Variants in VPS53 observed in about 807,000 individuals in gnomAD.
VPS53 encodes vacuolar protein sorting-associated protein 53 homolog.
A neutral mutation model predicts 107.0 loss-of-function variants in VPS53; 70 were observed. That is an observed-to-expected ratio of 0.65 (90% CI 0.54 to 0.80). The LOEUF (loss-of-function observed/expected upper bound fraction) is 0.80, where lower values mean the gene tolerates loss of function less well. VPS53 is among the 30% of genes least tolerant of loss of function. VPS53 has a pLI of 0.00. For missense variants in VPS53, 917 were observed against 1,049.4 expected, an observed-to-expected ratio of 0.87 and a Z score of 1.74; for synonymous variants, 409 against 393.3, an observed-to-expected ratio of 1.04 and a Z score of -0.47.
At chr17:596,822 C>T (rs1451656304) in intron 12 of VPS53, among the ~76,000 whole-genome samples, 2 of 152,088 alleles carry the variant, frequency 1.3e-5, no homozygotes, top group African/African-American at 2.4e-5. Context: ...ATGTTTGGGC[C>T]GGGTTCTGAG....
chr17:530,093 A>G (rs985773462), intron 19 of VPS53, among the ~76,000 whole-genome samples: 4 of 150,758 alleles, frequency 2.7e-5, no homozygotes, highest in African/African-American at 9.7e-5. Flanking sequence ...ATATAGAAAT[A>G]TATTTTAAAA....
intron 12 of VPS53, among the ~76,000 whole-genome samples, chr17:599,575 C>A (rs1377465361): frequency 6.7e-6 from 1 of 149,948 alleles, no homozygotes; most frequent in Non-Finnish European, 1.5e-5. Context: ...AGAGTCATCA[C>A]CACTCCCTAA....
intron 7 of VPS53, among the ~76,000 whole-genome samples, chr17:641,321 T>C (rs988210501): frequency 6.6e-6 from 1 of 152,238 alleles, no homozygotes; most frequent in Admixed American, 6.5e-5. Flanking sequence ...AATAGGATTC[T>C]AGAAAGAAGT....
At chr17:548,148 C>G (rs760917861) in intron 17 of VPS53, among the ~76,000 whole-genome samples, 20 of 152,304 alleles carry the variant, frequency 1.3e-4, no homozygotes, top group Admixed American at 5.9e-4. Context: ...GGCACATACT[C>G]CGGAGTGAGC....
rs187938167 is a variant in VPS53, at chr17:619,913, G to A, written c.1116+3620C>T. Among the ~76,000 whole-genome samples the A allele has an allele frequency of 1.4e-5, 2 of 141,934 alleles. 1 individual carries two copies. Among genetic ancestry groups the A allele is most frequent in the East Asian group, 4.3e-4 (2 of 4,668 alleles). The allele number at this position is 141,934 out of a possible 152,430, so 93.1% of individuals were successfully genotyped here. On this transcript the variant is annotated intron_variant, in intron 11 of 21. Transcript: ENST00000437048. ...TATTTCCCGGGTAGATGGGACTACA[G>A]GCGTGCGCCACCACGCCCCGCTAGT... is the stretch of plus-strand genomic sequence containing the variant.
At chr17:550,775 AT>A (rs1238718035) in intron 17 of VPS53, among the ~76,000 whole-genome samples, 1 of 151,942 alleles carries the variant, frequency 6.6e-6, no homozygotes, top group Admixed American at 6.6e-5. Flanking sequence ...GCATAGGCAC[AT>A]AAAAGTCAAA....
At chr17:642,534 G>GAGGACAACACTCATACTTGGAAATCA (rs1970467585) in intron 7 of VPS53, among the ~76,000 whole-genome samples, 1 of 148,770 alleles carries the variant, frequency 6.7e-6, no homozygotes, top group Non-Finnish European at 1.5e-5. Context: ...CTTGGAAAGC[G>GAGGACAACACTCATACTTGGAAATCA]AGGACAACAC....
intron 4 of VPS53, among the ~76,000 whole-genome samples, chr17:691,375 C>A (rs995069888): frequency 6.6e-6 from 1 of 152,182 alleles, no homozygotes; most frequent in Non-Finnish European, 1.5e-5. Flanking sequence ...AAGTAGCAAG[C>A]TCCCCATCAC....
At chr17:714,587 A>C in intron 1 of VPS53, 36 bp downstream of exon 1, 1 of 1,564,298 alleles carries the variant, frequency 6.4e-7, no homozygotes, top group Non-Finnish European at 8.7e-7. Context: ...CCCCTCCCGC[A>C]CTCCCGTTTC....
In VPS53 at chr17:623,642, G is replaced by A. The variant is rs139494897; in HGVS notation, c.1007C>T (p.Ala336Val). The A allele has an allele frequency of 9.9e-6, 16 of 1,613,408 alleles. No individual in the cohort carries two copies. In the East Asian group the frequency reaches 1.6e-4, roughly 16 times the overall value. ...AELAKIMRTR[A>V]KEIEVKLLLF... is the part of the protein sequence containing the mutation. ...AAGCAATTTCACTTCAATTTCCTTCGCTCTGGTACGCATAATCTTGGCAAG... is the reference window on the plus strand; with the variant it reads ...AAGCAATTTCACTTCAATTTCCTTCACTCTGGTACGCATAATCTTGGCAAG... The change falls in exon 11 of 22, where the codon GCG becomes GTG. Residue 336 changes from alanine (A) to valine (V), a missense_variant. Ala to Val is a moderately conservative substitution (Grantham distance 64). Transcript: ENST00000437048.
intron 11 of VPS53, among the ~76,000 whole-genome samples, chr17:621,529 G>A (rs1304748881): frequency 6.6e-6 from 1 of 152,128 alleles, no homozygotes; most frequent in African/African-American, 2.4e-5. Context: ...CAAAAAGGTT[G>A]TATCAAGCTG....
intron 4 of VPS53, among the ~76,000 whole-genome samples, chr17:671,009 T>C (rs1312939806): frequency 6.6e-6 from 1 of 152,074 alleles, no homozygotes; most frequent in Non-Finnish European, 1.5e-5. Flanking sequence ...GGCAGGCAAA[T>C]CACCTAAGGT....
At chr17:590,907 A>G (rs1967612039) in intron 12 of VPS53, among the ~76,000 whole-genome samples, 1 of 152,000 alleles carries the variant, frequency 6.6e-6, no homozygotes, top group Non-Finnish European at 1.5e-5. Context: ...TGAGTTAGAG[A>G]GGATTCCCTC....
At chr17:657,393 A>G in intron 5 of VPS53, 1 of 812,022 alleles carries the variant, frequency 1.2e-6, no homozygotes, top group South Asian at 1.4e-5. Flanking sequence ...AATCTTCTTA[A>G]GTCTGTTCCT....
chr17:684,880 C>G (rs1487244978), intron 4 of VPS53, among the ~76,000 whole-genome samples: 1 of 151,874 alleles, frequency 6.6e-6, no homozygotes, highest in Admixed American at 6.6e-5. Flanking sequence ...CCCAGCGACT[C>G]GAGAGATTGA....
chr17:709,565 T>G (rs1352786560), intron 2 of VPS53, among the ~76,000 whole-genome samples: 1 of 151,958 alleles, frequency 6.6e-6, no homozygotes, highest in East Asian at 1.9e-4. Flanking sequence ...TTCGCCAGGG[T>G]CTCCCACCAC....
chr17:565,101 T>TA, intron 13 of VPS53, among the ~76,000 whole-genome samples: 1 of 152,104 alleles, frequency 6.6e-6, no homozygotes, highest in African/African-American at 2.4e-5. Context: ...AAGGCTTTTG[T>TA]TATTGAAAGT....
intron 13 of VPS53, among the ~76,000 whole-genome samples, chr17:583,807 G>A (rs1287182651): frequency 9.5e-5 from 14 of 147,134 alleles, no homozygotes; most frequent in Non-Finnish European, 3.0e-5. Flanking sequence ...GGACCTCAAT[G>A]CATTCCCAGA....
intron 19 of VPS53, among the ~76,000 whole-genome samples, chr17:525,825 C>T (rs1001432183): frequency 1.3e-5 from 2 of 151,712 alleles, no homozygotes; most frequent in African/African-American, 2.4e-5. Flanking sequence ...TGGTGAGACC[C>T]CATCTCTACT....
Sources: allele counts gnomAD v4.1 joint callset (sites outside exome capture counted in the v4.1 genomes callset), GRCh38; gene constraint gnomAD v4.1.1; transcripts MANE v1.5; gene names NCBI Gene and HGNC (gene_info 2026-07-23, HGNC 2026-07-21).